The following TUBGCP2 variants were observed in gnomAD, a reference collection of about 807,000 sequenced individuals.
The protein encoded by TUBGCP2 is tubulin gamma complex component 2, also known as gamma-tubulin complex component 2.
Under a neutral mutation model 92.2 loss-of-function variants are expected in TUBGCP2, and 55 were observed. The observed-to-expected ratio is 0.60, with a 90% CI of 0.48 to 0.75. The LOEUF (loss-of-function observed/expected upper bound fraction) is 0.75, where lower values mean the gene tolerates loss of function less well. TUBGCP2 is among the 30% of genes least tolerant of loss of function. TUBGCP2 has a pLI of 0.00. For missense variants in TUBGCP2, 1,093 were observed against 1,188.9 expected (o/e 0.92, Z 1.19); for synonymous variants, 533 against 505.2 (o/e 1.06, Z -0.74).
chr10:133,297,907 A>T (rs759501259), intron 5 of TUBGCP2, 45 bp downstream of exon 5: 6 of 1,604,460 alleles, frequency 3.7e-6, no homozygotes, highest in African/African-American at 1.3e-5. Context: ...AAATCAACGC[A>T]TCACGTACCT....
chr10:133,291,941 G>GTGTCCCTCCA lies in TUBGCP2; in HGVS notation c.1214+557_1214+558insTGGAGGGACA, dbSNP rs1554935915. Among the ~76,000 whole-genome samples the GTGTCCCTCCA allele has an allele frequency of 1.2e-4, 3 of 24,988 alleles. 1 individual carries two copies. Among genetic ancestry groups the GTGTCCCTCCA allele is most frequent in the Non-Finnish European group, 2.4e-4 (3 of 12,252 alleles). The allele number at this position is 24,988 out of a possible 152,430, so 16.4% of individuals were successfully genotyped here. ...CCCTCCGTGTCCCCCATGTCCCTCC[G>GTGTCCCTCCA]TGTCCCTCCGTGTCCCCGTGTCCCG... On this transcript the variant is annotated intron_variant, in intron 8 of 17. Coordinates refer to ENST00000252936, the MANE Select transcript of TUBGCP2 (RefSeq NM_006659.4).
chr10:133,297,523 A>G (rs966017887), intron 5 of TUBGCP2: 23 of 393,488 alleles, frequency 5.8e-5, no homozygotes, highest in Non-Finnish European at 1.1e-4. Flanking sequence ...TGTTTACACG[A>G]ACACTACTTA....
chr10:133,293,297 C>T lies in TUBGCP2; in HGVS notation c.825-59G>A, dbSNP rs937680871. 2.2e-5 allele frequency: 34 copies of T among 1,569,886 alleles called. No individual in the cohort carries two copies. The Middle Eastern group carries it at 8.4e-4, about 39-fold the overall frequency. Reference sequence around the variant, plus strand: ...GCAAGCTGCAGGCACATACAATGTCCGATATTCTGAGTCTCATCCCAAACA... The same window carrying T: ...GCAAGCTGCAGGCACATACAATGTCTGATATTCTGAGTCTCATCCCAAACA... On this transcript the variant is annotated intron_variant, in intron 6 of 17. Transcript: ENST00000252936.
chr10:133,289,992 G>C, intron 8 of TUBGCP2, 23 bp from the exon 9 acceptor site: 1 of 1,605,170 alleles, frequency 6.2e-7, no homozygotes, highest in Non-Finnish European at 8.5e-7. Flanking sequence ...GGAGCGCTTC[G>C]GTCACAGGCA....
intron 1 of TUBGCP2, among the ~76,000 whole-genome samples, chr10:133,307,435 C>T (rs151067031): frequency 1.1e-3 from 163 of 152,366 alleles, no homozygotes; most frequent in African/African-American, 3.7e-3. Flanking sequence ...TCAAAGCTAA[C>T]TGTACAAATT....
chr10:133,309,559 C>A, upstream of TUBGCP2: 2 of 1,428,278 alleles, frequency 1.4e-6, no homozygotes, highest in Non-Finnish European at 1.9e-6. Context: ...CTTCCATGTG[C>A]GGCCGCCCCA....
intron 7 of TUBGCP2, 137 bp from the exon 8 acceptor site, chr10:133,292,825 GTA>G: frequency 8.3e-7 from 1 of 1,205,072 alleles, no homozygotes; most frequent in African/African-American, 1.5e-5. Context: ...CGTATTAACT[GTA>G]AGGTTGTAGT....
upstream of TUBGCP2, among the ~76,000 whole-genome samples, chr10:133,311,093 T>C (rs1486274622): frequency 6.6e-6 from 1 of 152,260 alleles, no homozygotes; most frequent in Non-Finnish European, 1.5e-5. Context: ...TGAGCTACCA[T>C]GTCCAGCCGG....
At position 133,300,026 on chromosome 10, in the gene TUBGCP2, G is replaced by A. The variant is rs1474777274; in HGVS notation, c.238C>T (p.Pro80Ser). ...AGCTTTGACAACAGGTACACCAGCG[G>A]GTCAAGGTTCCTTGTATTTTTAGAT... ...LKSKNTRNLD[P>S]LVYLLSKLTE... Residue 80 changes from proline to serine, a missense_variant, in exon 3 of 18, where the codon CCG becomes TCG. Around this residue, in one of 3 missense-constraint regions of TUBGCP2, gnomAD observed 490 missense variants for 488.5 expected, o/e 1.00. Transcript: ENST00000252936. 6.2e-7 allele frequency: 1 copy of A among 1,614,102 alleles called. No individual in the cohort carries two copies. Among genetic ancestry groups the A allele is most frequent in the Non-Finnish European group, 8.5e-7 (1 of 1,180,022 alleles).
intron 2 of TUBGCP2, chr10:133,300,616 G>A (rs1847621142): frequency 6.5e-6 from 1 of 153,056 alleles, no homozygotes; most frequent in Admixed American, 6.5e-5. Flanking sequence ...TCCCATTATG[G>A]TTCCTTTCCT....
At chr10:133,308,407 A>T (rs1180503792) in intron 1 of TUBGCP2, 2 of 152,292 alleles carry the variant, frequency 1.3e-5, no homozygotes, top group Admixed American at 1.3e-4. Context: ...GCTTTAAATT[A>T]AAAACGGTTA....
At chr10:133,311,713 C>T, upstream of TUBGCP2, 1 of 1,611,136 alleles carries the variant, frequency 6.2e-7, no homozygotes, top group South Asian at 1.1e-5. Context: ...TCTCTCCCCG[C>T]AGCCCAGCCT....
intron 5 of TUBGCP2, chr10:133,295,836 T>C (rs1052430824): frequency 1.3e-5 from 2 of 152,492 alleles, no homozygotes. Context: ...TCCCGTGGTG[T>C]GGCACTGGTC....
chr10:133,286,493 CCGGA>C (rs1440076258), intron 11 of TUBGCP2, among the ~76,000 whole-genome samples: 3 of 152,196 alleles, frequency 2.0e-5, no homozygotes, highest in Non-Finnish European at 4.4e-5. Flanking sequence ...GAGAGAACCG[CCGGA>C]CAGACGATCA....
intron 11 of TUBGCP2, among the ~76,000 whole-genome samples, chr10:133,287,737 G>A (rs1471060701): frequency 2.0e-4 from 29 of 147,224 alleles, no homozygotes; most frequent in Admixed American, 2.7e-4. Context: ...GCAAAACTCC[G>A]TCTCAAAAAA....
At chr10:133,284,422 G>A (rs1589822519) in intron 13 of TUBGCP2, among the ~76,000 whole-genome samples, 1 of 152,236 alleles carries the variant, frequency 6.6e-6, no homozygotes, top group South Asian at 2.1e-4. Flanking sequence ...CAGTGCAGTG[G>A]CACGATCTTG....
At chr10:133,281,979 G>A (rs564243013) in intron 16 of TUBGCP2, among the ~76,000 whole-genome samples, 4 of 152,384 alleles carry the variant, frequency 2.6e-5, no homozygotes, top group African/African-American at 4.8e-5. Flanking sequence ...CCTGCACAGC[G>A]CTCGCTCTGA....
Position 133,302,831 on chromosome 10 carries a change from G to A in TUBGCP2, c.111C>T (p.Thr37=), listed in dbSNP as rs760264083. The change falls in exon 2 of 18, where the codon ACC becomes ACT. Residue 37 remains threonine, a synonymous_variant. Transcript: ENST00000252936. ...CAGAGACAGTGGTAGTGACGTACGG[G>A]GTCCTGTTCTTTTGAAGCAGGTCAA... The part of the protein sequence containing the change: ...VYIDLLQKNR[T]PYVTTTVSAH... The A allele has an allele frequency of 6.2e-7, 1 of 1,613,310 alleles. No homozygotes were observed.
chr10:133,301,194 T>C (rs377318955), intron 2 of TUBGCP2, among the ~76,000 whole-genome samples: 3 of 152,202 alleles, frequency 2.0e-5, no homozygotes, highest in East Asian at 1.9e-4. Context: ...AATGGCGTGA[T>C]CTAGGCTCAC....
Sources: allele counts gnomAD v4.1 joint callset (sites outside exome capture counted in the v4.1 genomes callset), GRCh38; gene constraint gnomAD v4.1.1; regional missense constraint gnomAD v4.1.1; transcripts MANE v1.5; gene names NCBI Gene and HGNC (gene_info 2026-07-23, HGNC 2026-07-21).